The following DTWD2 variants were observed in gnomAD, a reference collection of about 807,000 sequenced individuals.
DTWD2 encodes the protein DTW motif tRNA-uridine aminocarboxypropyltransferase 2, also known as tRNA-uridine aminocarboxypropyltransferase 2.
Under a neutral mutation model 31.8 loss-of-function variants are expected in DTWD2, and 39 were observed. The ratio of observed to expected loss-of-function variants is 1.22; its 90% confidence interval spans 0.95 to 1.60. DTWD2 has a LOEUF of 1.60. Among genes scored for constraint, DTWD2 ranks in the 40% most tolerant of loss-of-function variants. The probability of loss-of-function intolerance (pLI) is 0.00; values close to 1 mark genes in which losing one functional copy is unlikely to be tolerated. For synonymous variants in DTWD2, 180 were observed against 142.8 expected, an observed-to-expected ratio of 1.26 and a Z score of -1.86; for missense variants, 515 against 381.5, an observed-to-expected ratio of 1.35 and a Z score of -2.92.
intron 1 of DTWD2, among the ~76,000 whole-genome samples, chr5:118,970,464 A>C (rs906142175): frequency 3.9e-5 from 6 of 152,164 alleles, no homozygotes; most frequent in African/African-American, 1.2e-4. Context: ...ACGATGAACA[A>C]AAACTCTGAG....
intron 4 of DTWD2, among the ~76,000 whole-genome samples, chr5:118,917,312 A>C (rs539141200): frequency 5.3e-5 from 8 of 152,354 alleles, no homozygotes; most frequent in Non-Finnish European, 8.8e-5. Context: ...TAGCTCTAAC[A>C]GGTGATGAGG....
chr5:118,857,877 G>A (rs1250448100), intron 4 of DTWD2, among the ~76,000 whole-genome samples: 1 of 152,160 alleles, frequency 6.6e-6, no homozygotes, highest in Non-Finnish European at 1.5e-5. Flanking sequence ...AAAAGTGGTT[G>A]TGCAACTGGA....
intron 1 of DTWD2, among the ~76,000 whole-genome samples, chr5:118,986,755 A>G (rs149160751): frequency 0.011 from 1,684 of 152,284 alleles, 35 homozygotes; most frequent in African/African-American, 0.039. Context: ...AATGCATAGC[A>G]AGAGGGAGGA....
At position 118,914,281 on chromosome 5, in the gene DTWD2, T is replaced by C. The variant is rs1029283784; in HGVS notation, c.597+14256A>G. Among the ~76,000 whole-genome samples, 68 of 152,158 alleles carry C rather than the reference T, an allele frequency of 4.5e-4. 1 individual carries two copies. Among genetic ancestry groups the C allele is most frequent in the Non-Finnish European group, 3.1e-4 (21 of 68,006 alleles). ...TTATTAAAAAGGCTCTAGGAGTGCG[T>C]TCTTTCTCCTACTCTCTTTCTGTCC... On this transcript the variant is annotated intron_variant, in intron 4 of 5. Transcript: ENST00000510708.
intron 5 of DTWD2, among the ~76,000 whole-genome samples, chr5:118,841,568 C>T (rs980761477): frequency 1.3e-5 from 2 of 152,124 alleles, no homozygotes; most frequent in African/African-American, 4.8e-5. Flanking sequence ...ACATTAGTGC[C>T]ATGGACCACA....
intron 1 of DTWD2, chr5:118,973,997 G>A (rs1755064016): frequency 1.3e-6 from 2 of 1,595,172 alleles, no homozygotes; most frequent in Non-Finnish European, 1.7e-6. Flanking sequence ...GGAGGAAGAA[G>A]GTGATGGTGA....
chr5:118,853,650 A>C (rs1004873449), intron 4 of DTWD2, among the ~76,000 whole-genome samples: 1 of 152,204 alleles, frequency 6.6e-6, no homozygotes, highest in Non-Finnish European at 1.5e-5. Context: ...ACAGAAAACG[A>C]AAATCAAATA....
chr5:118,874,782 AC>A lies in DTWD2; in HGVS notation c.598-26565del, dbSNP rs200789764. Among the ~76,000 whole-genome samples, 676 of 152,308 alleles carry A rather than the reference AC, an allele frequency of 4.4e-3. 8 individuals carry two copies. The highest frequency in any genetic ancestry group is 0.015 in the African/African-American group (634 of 41,568). On this transcript the variant is annotated intron_variant, in intron 4 of 5. Transcript: ENST00000510708. The stretch of plus-strand genomic sequence containing the variant: ...GGGGAGAAAGGAACCAACTTGGAAA[AC>A]ATATTTCAGGATATCATCCAGGAGA...
At chr5:118,844,960 T>A (rs932681009) in intron 5 of DTWD2, among the ~76,000 whole-genome samples, 1 of 151,032 alleles carries the variant, frequency 6.6e-6, no homozygotes, top group Non-Finnish European at 1.5e-5. Context: ...AACTTGAGAC[T>A]CCCCCCGCCT....
intron 4 of DTWD2, among the ~76,000 whole-genome samples, chr5:118,904,527 G>T (rs1286615339): frequency 6.6e-6 from 1 of 151,918 alleles, no homozygotes; most frequent in East Asian, 1.9e-4. Context: ...TTTTTTAATC[G>T]ACTGACATTA....
At position 118,879,325 on chromosome 5, in the gene DTWD2, G is replaced by A. The variant is rs1186849264; in HGVS notation, c.598-31107C>T. Among the ~76,000 whole-genome samples, 3 of 151,986 alleles carry A rather than the reference G, an allele frequency of 2.0e-5. 1 individual carries two copies. Reference sequence around the variant, plus strand: ...CGCAGCCATTAAAAAGAACAAGATGGGCCAACTGCGGTGGCTCATGCCTGT... The same window carrying A: ...CGCAGCCATTAAAAAGAACAAGATGAGCCAACTGCGGTGGCTCATGCCTGT... On this transcript the variant is annotated intron_variant, in intron 4 of 5. Coordinates refer to ENST00000510708, the MANE Select transcript of DTWD2 (RefSeq NM_173666.4).
chr5:118,846,800 T>A (rs1580762523), intron 5 of DTWD2, among the ~76,000 whole-genome samples: 1 of 152,028 alleles, frequency 6.6e-6, no homozygotes, highest in Non-Finnish European at 1.5e-5. Context: ...GATGGAAAGG[T>A]GTCTGAGAAC....
chr5:118,863,945 T>C (rs1298465362), intron 4 of DTWD2, among the ~76,000 whole-genome samples: 3 of 151,584 alleles, frequency 2.0e-5, no homozygotes, highest in African/African-American at 4.9e-5. Flanking sequence ...TTACACAATA[T>C]CAGGCATTAA....
chr5:118,854,042 TA>T (rs1227162399), intron 4 of DTWD2, among the ~76,000 whole-genome samples: 58 of 152,180 alleles, frequency 3.8e-4, no homozygotes, highest in African/African-American at 1.4e-3. Context: ...AAACAAGTAT[TA>T]TTAGTCATAA....
At position 118,941,499 on chromosome 5, in the gene DTWD2, G is replaced by A. The variant is rs563532823; in HGVS notation, c.310-2209C>T. 3.3e-5 allele frequency among the ~76,000 whole-genome samples: 5 copies of A among 152,284 alleles called. No individual in the cohort carries two copies. In the East Asian group the frequency reaches 5.8e-4, roughly 18 times the overall value. On this transcript the variant is annotated intron_variant, in intron 2 of 5. Coordinates refer to ENST00000510708, the MANE Select transcript of DTWD2 (RefSeq NM_173666.4). The stretch of plus-strand genomic sequence containing the variant: ...CCAGCTTCATCCATGTCCTACAAAG[G>A]ACATGAACTCATCATTTTTTATGGC...
intron 4 of DTWD2, among the ~76,000 whole-genome samples, chr5:118,880,750 T>C (rs1330951717): frequency 6.6e-6 from 1 of 152,190 alleles, no homozygotes. Flanking sequence ...AGCAGGCTAG[T>C]CTAAAATGTT....
At chr5:118,844,782 T>C (rs1459087676) in intron 5 of DTWD2, among the ~76,000 whole-genome samples, 2 of 152,234 alleles carry the variant, frequency 1.3e-5, no homozygotes, top group African/African-American at 4.8e-5. Flanking sequence ...AAAGCTATTC[T>C]GTGCCAAGTT....
intron 4 of DTWD2, among the ~76,000 whole-genome samples, chr5:118,862,818 C>T (rs1752292402): frequency 6.6e-6 from 1 of 152,136 alleles, no homozygotes; most frequent in Non-Finnish European, 1.5e-5. Context: ...TATTCTTTCC[C>T]AGTGATTAGT....
intron 1 of DTWD2, among the ~76,000 whole-genome samples, chr5:118,967,790 C>G (rs1040902570): frequency 1.3e-5 from 2 of 152,010 alleles, no homozygotes; most frequent in Non-Finnish European, 2.9e-5. Flanking sequence ...AATAGAGAAT[C>G]ACCATCAGAG....
Sources: allele counts gnomAD v4.1 joint callset (sites outside exome capture counted in the v4.1 genomes callset), GRCh38; gene constraint gnomAD v4.1.1; transcripts MANE v1.5; gene names NCBI Gene and HGNC (gene_info 2026-07-23, HGNC 2026-07-21).